The following KIAA0319L variants were observed in gnomAD, a reference collection of about 807,000 sequenced individuals.
KIAA0319L encodes dyslexia-associated protein KIAA0319-like protein.
Under a neutral mutation model 120.1 loss-of-function variants are expected in KIAA0319L, and 55 were observed. The observed-to-expected ratio is 0.46, with a 90% CI of 0.37 to 0.57. The LOEUF is 0.57. Ranked by LOEUF, KIAA0319L falls within the 20% of genes least tolerant of loss-of-function variation. The probability of loss-of-function intolerance (pLI) is 0.00; values close to 1 mark genes in which losing one functional copy is unlikely to be tolerated. For synonymous variants in KIAA0319L, 398 were observed against 471.9 expected (o/e 0.84, Z 2.03); for missense variants, 1,049 against 1,255.3 (o/e 0.84, Z 2.48).
At chr1:35,524,757 T>C (rs1358205874) in intron 2 of KIAA0319L, among the ~76,000 whole-genome samples, 3 of 152,228 alleles carry the variant, frequency 2.0e-5, no homozygotes, top group South Asian at 2.1e-4. Context: ...CTGTGAGTAT[T>C]TGTTACATGC....
At chr1:35,556,391 G>C (rs986678667) in intron 1 of KIAA0319L, 5 of 152,256 alleles carry the variant, frequency 3.3e-5, no homozygotes, top group African/African-American at 1.2e-4. Context: ...AATCTATTCA[G>C]TTGGTATGAG....
At position 35,544,800 on chromosome 1, in the gene KIAA0319L, G is replaced by A. The variant is rs138319531; in HGVS notation, c.142+9550C>T. Among the ~76,000 whole-genome samples the A allele has an allele frequency of 7.2e-5, 11 of 152,270 alleles. No homozygotes were observed. In the East Asian group the frequency reaches 1.3e-3, roughly 19 times the overall value. Reference sequence around the variant, plus strand: ...CTGATATCAGACTCACCGTCCTGCCGTAAACAACTACAAAACTGGACAGAA... The same window carrying A: ...CTGATATCAGACTCACCGTCCTGCCATAAACAACTACAAAACTGGACAGAA... On this transcript the variant is annotated intron_variant, in intron 2 of 20. Transcript: ENST00000325722.
intron 3 of KIAA0319L, among the ~76,000 whole-genome samples, chr1:35,502,742 C>T (rs1346598010): frequency 2.0e-5 from 3 of 152,198 alleles, no homozygotes; most frequent in African/African-American, 4.8e-5. Context: ...ATGGTAACCA[C>T]TAAATGCCAA....
intron 1 of KIAA0319L, among the ~76,000 whole-genome samples, chr1:35,555,635 T>A (rs1158711276): frequency 2.6e-5 from 4 of 152,148 alleles, no homozygotes; most frequent in Non-Finnish European, 4.4e-5. Context: ...TTCAAGAGAT[T>A]ATGAAATGGA....
intron 3 of KIAA0319L, among the ~76,000 whole-genome samples, chr1:35,489,779 G>A (rs965480536): frequency 6.6e-6 from 1 of 150,632 alleles, no homozygotes; most frequent in Non-Finnish European, 1.5e-5. Flanking sequence ...CGATTCTCCT[G>A]CCTCAGCCTC....
chr1:35,479,286 A>G, intron 3 of KIAA0319L, 74 bp from the exon 4 acceptor site: 1 of 1,236,310 alleles, frequency 8.1e-7, no homozygotes, highest in Non-Finnish European at 1.1e-6. Context: ...ATGAAACAAT[A>G]GTCTATTAAA....
intron 2 of KIAA0319L, among the ~76,000 whole-genome samples, chr1:35,515,205 G>A (rs541876243): frequency 9.9e-5 from 15 of 151,906 alleles, no homozygotes; most frequent in Non-Finnish European, 2.2e-4. Context: ...CCAGCTACTT[G>A]GGAGGCTGAG....
At chr1:35,475,862 T>A (rs937109619) in intron 4 of KIAA0319L, among the ~76,000 whole-genome samples, 1 of 152,196 alleles carries the variant, frequency 6.6e-6, no homozygotes, top group South Asian at 2.1e-4. Flanking sequence ...ATCCTTCCTA[T>A]CTAATTTTGC....
intron 5 of KIAA0319L, among the ~76,000 whole-genome samples, chr1:35,471,778 G>C (rs964183386): frequency 2.0e-5 from 3 of 152,178 alleles, no homozygotes; most frequent in African/African-American, 7.2e-5. Flanking sequence ...ACTTAGCAGA[G>C]AGTGGTCATC....
chr1:35,546,451 T>C (rs1407299158), intron 2 of KIAA0319L, among the ~76,000 whole-genome samples: 1 of 152,208 alleles, frequency 6.6e-6, no homozygotes, highest in Admixed American at 6.5e-5. Context: ...AAGCCAGACC[T>C]TACTGAACTC....
At chr1:35,464,309 A>T (rs917638757) in intron 7 of KIAA0319L, among the ~76,000 whole-genome samples, 2 of 152,322 alleles carry the variant, frequency 1.3e-5, no homozygotes, top group African/African-American at 4.8e-5. Context: ...AATAAAGTTC[A>T]GGTTGAAGTG....
chr1:35,454,173 C>G (rs948882241), intron 11 of KIAA0319L, 189 bp downstream of exon 11: 1 of 554,144 alleles, frequency 1.8e-6, no homozygotes, highest in Non-Finnish European at 3.2e-6. Context: ...CAAGCTGAGG[C>G]TGGGAAGTAT....
Position 35,466,720 on chromosome 1 carries a change from T to G in KIAA0319L, c.1114-25A>C, listed in dbSNP as rs541523183. ...GCTGCAGAAGTGAGAGAAGATCTCT[T>G]AGACAATCACAAAGAGCAGGAATTA... On this transcript the variant is annotated intron_variant, in intron 6 of 20. Coordinates refer to ENST00000325722, the MANE Select transcript of KIAA0319L (RefSeq NM_024874.5). 215 of 1,464,694 alleles carry G rather than the reference T, an allele frequency of 1.5e-4. 1 individual carries two copies. In the South Asian group the frequency reaches 2.1e-3, roughly 14 times the overall value. 90.7% of individuals were successfully genotyped at this position (1,464,694 alleles called of 1,614,324 possible).
intron 11 of KIAA0319L, 78 bp downstream of exon 11, chr1:35,454,284 C>T (rs1642277686): frequency 6.5e-7 from 1 of 1,526,754 alleles, no homozygotes; most frequent in East Asian, 2.3e-5. Flanking sequence ...TCATACAGCT[C>T]AGAACCCAAC....
chr1:35,435,341 A>G, intron 20 of KIAA0319L: 2 of 417,424 alleles, frequency 4.8e-6, no homozygotes, highest in South Asian at 9.3e-5. Context: ...TCCAGTATCC[A>G]TGAGCTTTGG....
intron 17 of KIAA0319L, 168 bp downstream of exon 17, chr1:35,443,993 G>A (rs561556369): frequency 3.7e-6 from 2 of 538,688 alleles, no homozygotes; most frequent in Non-Finnish European, 5.9e-6. Context: ...CCCAAGTTAA[G>A]AATCCCCAGT....
Position 35,484,797 on chromosome 1 carries a change from TATA to T in KIAA0319L, c.667-5588_667-5586del, listed in dbSNP as rs1409423810. On this transcript the variant is annotated intron_variant, in intron 3 of 20. Coordinates refer to ENST00000325722, the MANE Select transcript of KIAA0319L (RefSeq NM_024874.5). The stretch of plus-strand genomic sequence containing the variant: ...ATATATATATATATATATATATATA[TATA>T]TATATATTTTTTTTTTTATTATACT... Among the ~76,000 whole-genome samples, 346 of 65,272 alleles carry T rather than the reference TATA, an allele frequency of 5.3e-3. 2 individuals carry two copies. The highest frequency in any genetic ancestry group is 0.04 in the East Asian group (61 of 1,518). 42.8% of individuals were successfully genotyped at this position (65,272 alleles called of 152,430 possible). A position where few individuals can be genotyped will look rare whatever the true frequency, so the allele number is the denominator to read the frequency against.
intron 4 of KIAA0319L, among the ~76,000 whole-genome samples, chr1:35,478,048 C>T (rs555481277): frequency 6.6e-6 from 1 of 152,228 alleles, no homozygotes; most frequent in South Asian, 2.1e-4. Flanking sequence ...TGCTTATATA[C>T]AATGGAGTAC....
chr1:35,528,139 G>C (rs1300625791), intron 2 of KIAA0319L, among the ~76,000 whole-genome samples: 1 of 152,120 alleles, frequency 6.6e-6, no homozygotes, highest in East Asian at 1.9e-4. Context: ...CCCAGGTGGA[G>C]CAAAGTGGCA....
Sources: allele counts gnomAD v4.1 joint callset (sites outside exome capture counted in the v4.1 genomes callset), GRCh38; gene constraint gnomAD v4.1.1; transcripts MANE v1.5; gene names NCBI Gene and HGNC (gene_info 2026-07-23, HGNC 2026-07-21).